RALGDS: variants seen among roughly 807,000 people sequenced by gnomAD.
RALGDS encodes ral guanine nucleotide dissociation stimulator.
RALGDS carries 44 observed loss-of-function variants against 99.8 expected under a neutral mutation model. That is an observed-to-expected ratio of 0.44 (90% CI 0.35 to 0.57). The LOEUF is 0.57. Among genes scored for constraint, RALGDS ranks in the 20% least tolerant of loss-of-function variants. The pLI, the probability that RALGDS is intolerant of heterozygous loss-of-function variation, is 0.01. For missense variants in RALGDS, 1,022 were observed against 1,203.1 expected, an observed-to-expected ratio of 0.85 and a Z score of 2.23; for synonymous variants, 529 against 505.0, an observed-to-expected ratio of 1.05 and a Z score of -0.64.
chr9:133,123,909 GACACAC>G (rs61109579), upstream of RALGDS, among the ~76,000 whole-genome samples: 281 of 29,226 alleles, frequency 9.6e-3, 5 homozygotes, highest in African/African-American at 0.027. Context: ...CAGAGACACA[GACACAC>G]ACACACACAC....
chr9:133,100,970 A>G, intron 16 of RALGDS: 1 of 1,047,678 alleles, frequency 9.5e-7, no homozygotes, highest in Non-Finnish European at 1.2e-6. Context: ...TGGGGGTTAC[A>G]AATGGTTCAT....
chr9:133,102,685 T>A, intron 13 of RALGDS, 94 bp downstream of exon 13: 1 of 1,604,522 alleles, frequency 6.2e-7, no homozygotes, highest in Non-Finnish European at 8.5e-7. Flanking sequence ...CAACAGGGGC[T>A]GAGGCTGACC....
At chr9:133,141,238 A>G (rs1164944753) in intron 1 of RALGDS, among the ~76,000 whole-genome samples, 1 of 152,204 alleles carries the variant, frequency 6.6e-6, no homozygotes, top group African/African-American at 2.4e-5. Context: ...ACCAGGTCTC[A>G]TAGCCTTCCC....
chr9:133,106,883 C>CG (rs1371269759), intron 7 of RALGDS, 135 bp from the exon 8 acceptor site: 11 of 913,678 alleles, frequency 1.2e-5, no homozygotes, highest in African/African-American at 4.9e-5. Flanking sequence ...GCCTGCGACC[C>CG]GGGGGTGACA....
chr9:133,119,026 A>G (rs1163677947), intron 1 of RALGDS, among the ~76,000 whole-genome samples: 1 of 152,262 alleles, frequency 6.6e-6, no homozygotes, highest in Non-Finnish European at 1.5e-5. Flanking sequence ...GGTCACCTCC[A>G]GAAAGCAAGA....
At chr9:133,134,102 G>A (rs1832388142), upstream of RALGDS, among the ~76,000 whole-genome samples, 2 of 152,212 alleles carry the variant, frequency 1.3e-5, no homozygotes, top group Admixed American at 1.3e-4. Flanking sequence ...TGGCTTCTGG[G>A]AACCTGAGGC....
chr9:133,115,108 T>A (rs536196039), intron 1 of RALGDS, among the ~76,000 whole-genome samples: 1 of 152,136 alleles, frequency 6.6e-6, no homozygotes, highest in East Asian at 1.9e-4. Flanking sequence ...CTGGGTAGAA[T>A]AGTGAGGGTC....
At position 133,098,381 on chromosome 9, in the gene RALGDS, G is replaced by A; in HGVS notation, c.*206C>T. 3.3e-6 allele frequency: 2 copies of A among 602,756 alleles called. No individual in the cohort carries two copies. Among genetic ancestry groups the A allele is most frequent in the East Asian group, 2.8e-5 (1 of 35,622 alleles). 37.3% of individuals were successfully genotyped at this position (602,756 alleles called of 1,614,324 possible). On this transcript the variant is annotated 3_prime_UTR_variant, in exon 18 of 18. Coordinates refer to ENST00000372050, the MANE Select transcript of RALGDS (RefSeq NM_006266.4). ...GTCCTCTGGTTCCAGAGAGCAGAAG[G>A]CACCTAAGGCAGCGAGTGGTCCACG...
At chr9:133,104,441 T>C (rs1830917505) in intron 9 of RALGDS, 110 bp from the exon 10 acceptor site, 3 of 987,714 alleles carry the variant, frequency 3.0e-6, no homozygotes, top group South Asian at 1.3e-5. Context: ...CCTGTATCAA[T>C]ACTCACTAGT....
chr9:133,103,312 A>G (rs1266493853), intron 11 of RALGDS, 50 bp from the exon 12 acceptor site: 1 of 1,608,264 alleles, frequency 6.2e-7, no homozygotes, highest in Admixed American at 1.7e-5. Context: ...CTTGACCATT[A>G]CAGTCTCCCC....
At chr9:133,131,237 C>T, upstream of RALGDS, 1 of 1,137,886 alleles carries the variant, frequency 8.8e-7, no homozygotes, top group Non-Finnish European at 1.1e-6. Flanking sequence ...GGAGCTCTGC[C>T]ACCCTCAGGG....
At chr9:133,127,397 C>T (rs937017823) in intron 1 of RALGDS, among the ~76,000 whole-genome samples, 1 of 152,278 alleles carries the variant, frequency 6.6e-6, no homozygotes, top group Non-Finnish European at 1.5e-5. Context: ...AGGTCAGGCC[C>T]TGGTGGAAAA....
chr9:133,103,662 G>A (rs888342009), intron 11 of RALGDS, 85 bp downstream of exon 11: 1 of 1,351,406 alleles, frequency 7.4e-7, no homozygotes, highest in African/African-American at 1.4e-5. Flanking sequence ...ACTCATTGCT[G>A]GGACAGGTGT....
chr9:133,130,751 G>A (rs1832311792), intron 1 of RALGDS, among the ~76,000 whole-genome samples: 1 of 152,170 alleles, frequency 6.6e-6, no homozygotes. Context: ...ACACCCGTCT[G>A]ACAAGTGGAA....
rs758724330 is a variant in RALGDS at position 133,106,005 on chromosome 9, C to T, written c.1529G>A (p.Arg510Gln). 2.5e-5 allele frequency: 41 copies of T among 1,608,240 alleles called. No individual in the cohort carries two copies. Among genetic ancestry groups the T allele is most frequent in the East Asian group, 1.8e-4 (8 of 44,492 alleles). The change falls in exon 9 of 18, where the codon CGG (arginine) becomes CAG (glutamine). Residue 510 changes from arginine (R) to glutamine (Q), a missense_variant. Physicochemically the swap from Arg to Gln is conservative, Grantham distance 43. Transcript: ENST00000372050. ...GATCTCTGACAGCTTCTGAAAGATC[C>T]GGAAACTGTCCCTGTCAGAAGGGCA... ...TWEDVSRDSF[R>Q]IFQKLSEIFS...
At chr9:133,147,806 G>T (rs1832649506) in intron 1 of RALGDS, among the ~76,000 whole-genome samples, 1 of 152,228 alleles carries the variant, frequency 6.6e-6, no homozygotes, top group African/African-American at 2.4e-5. Flanking sequence ...GGGGGTCAAA[G>T]GAGCAGAACC....
At position 133,107,182 on chromosome 9, in the gene RALGDS, C is replaced by T. The variant is rs765277223; in HGVS notation, c.1316G>A (p.Ser439Asn). The T allele has an allele frequency of 3.7e-6, 6 of 1,613,768 alleles. No individual in the cohort carries two copies. In the South Asian group the frequency reaches 6.6e-5, roughly 18 times the overall value. ...TIRATVTQFN[S>N]VANCVITTCL... ...GGTGGTGATGACACAGTTGGCCACA[C>T]TGTTGAACTGGGTGACAGTGGCGCG... Residue 439 changes from serine to asparagine, a missense_variant, in exon 7 of 18, where the codon AGT (serine) becomes AAT (asparagine). Ser to Asn is a conservative substitution (Grantham distance 46). Transcript: ENST00000372050.
chr9:133,144,563 G>T lies in RALGDS; in HGVS notation c.18+4400C>A, dbSNP rs987725903. ...AGACCTTTGTCTGCGGCAGCTCCGC[G>T]CCGGGCTGGGCGGCCGCACGGGAGG... On this transcript the variant is annotated intron_variant, in intron 1 of 17. Coordinates refer to the RALGDS transcript ENST00000393160. This position sits in a 1 kb window ranked among gnomAD's most constrained non-coding sequence, Gnocchi z 4.5. Among the ~76,000 whole-genome samples, 9 of 152,230 alleles carry T rather than the reference G, an allele frequency of 5.9e-5. No individual in the cohort carries two copies. The highest frequency in any genetic ancestry group is 1.0e-4 in the Non-Finnish European group (7 of 68,042).
At chr9:133,100,521 G>A in intron 16 of RALGDS, 139 bp from the exon 17 acceptor site, 4 of 1,550,820 alleles carry the variant, frequency 2.6e-6, no homozygotes, top group Non-Finnish European at 3.5e-6. Context: ...GCTGGGTCCG[G>A]AGAGGGCCTT....
Sources: gnomAD v4.1 joint callset for allele counts (sites outside exome capture counted in the v4.1 genomes callset) on GRCh38, gnomAD v4.1.1 for gene constraint, Gnocchi (gnomAD v3.1) non-coding constraint, MANE v1.5 for transcripts, NCBI Gene and HGNC (gene_info 2026-07-23, HGNC 2026-07-21) for gene names.